Variants in FMN1 observed in about 807,000 individuals in gnomAD.
The protein encoded by FMN1 is formin 1.
A neutral mutation model predicts 132.4 loss-of-function variants in FMN1; 110 were observed. The ratio of observed to expected loss-of-function variants is 0.83; its 90% CI spans 0.71 to 0.97. FMN1 has a LOEUF of 0.97. Among genes scored for constraint, FMN1 ranks in the 50% least tolerant of loss-of-function variants. FMN1 has a pLI of 0.00. For synonymous variants in FMN1, 722 were observed against 651.7 expected (o/e 1.11, Z -1.64); for missense variants, 1,792 against 1,705.3 (o/e 1.05, Z -0.90).
chr15:32,849,032 G>A (rs1293896102), intron 17 of FMN1, among the ~76,000 whole-genome samples: 11 of 125,362 alleles, frequency 8.8e-5, no homozygotes, highest in African/African-American at 3.2e-4. Context: ...CACCCATGCT[G>A]GAGTGCAGTG....
At chr15:33,006,367 G>A (rs1023023365) in intron 7 of FMN1, among the ~76,000 whole-genome samples, 3 of 151,862 alleles carry the variant, frequency 2.0e-5, no homozygotes, top group South Asian at 2.1e-4. Context: ...TGTTAGAATC[G>A]CTATTGCCAA....
intron 6 of FMN1, among the ~76,000 whole-genome samples, chr15:33,010,045 A>G (rs2034625246): frequency 6.6e-6 from 1 of 152,078 alleles, no homozygotes; most frequent in East Asian, 1.9e-4. Flanking sequence ...CACCATGCCC[A>G]GCTAATTTTT....
At chr15:33,164,337 A>C (rs565657795) in intron 3 of FMN1, among the ~76,000 whole-genome samples, 1 of 152,330 alleles carries the variant, frequency 6.6e-6, no homozygotes, top group Admixed American at 6.5e-5. Flanking sequence ...AGCATAAGCT[A>C]TGTCTTATTT....
intron 7 of FMN1, among the ~76,000 whole-genome samples, chr15:33,004,173 C>T (rs1219410701): frequency 6.6e-6 from 1 of 152,098 alleles, no homozygotes; most frequent in Non-Finnish European, 1.5e-5. Flanking sequence ...GCAATGGCAA[C>T]AAAACCAAAA....
At chr15:32,955,996 T>C (rs546175705) in intron 9 of FMN1, among the ~76,000 whole-genome samples, 2 of 152,304 alleles carry the variant, frequency 1.3e-5, no homozygotes, top group Admixed American at 1.3e-4. Flanking sequence ...GTCTTTCTAA[T>C]ATGCAATTGA....
At chr15:32,989,385 T>C (rs1238033393) in intron 7 of FMN1, among the ~76,000 whole-genome samples, 1 of 152,160 alleles carries the variant, frequency 6.6e-6, no homozygotes, top group Admixed American at 6.5e-5. Flanking sequence ...GTTTCATGTA[T>C]GATGAGGAAC....
chr15:33,029,394 G>A lies in FMN1; in HGVS notation c.2162-21319C>T, dbSNP rs72719377. On this transcript the variant is annotated intron_variant, in intron 6 of 20. Coordinates refer to ENST00000616417, the MANE Select transcript of FMN1 (RefSeq NM_001277313.2). ...AATGCTCAGGGTAAAGGGAGAGAGA[G>A]AGAGAACTAGATGTTCTGAGGGAGA... Among the ~76,000 whole-genome samples the A allele has an allele frequency of 2.6e-3, 397 of 152,284 alleles. 1 individual carries two copies. Among genetic ancestry groups the A allele is most frequent in the Non-Finnish European group, 4.5e-3 (303 of 68,024 alleles).
chr15:32,768,396 A>C lies in FMN1; in HGVS notation c.*5914T>G, dbSNP rs2056118137. The stretch of plus-strand genomic sequence containing the variant: ...GTACACGTTTGCCAAGGACATTAAC[A>C]AACAATTGCTAATGTGTGCCTGAAA... On this transcript the variant is annotated 3_prime_UTR_variant, in exon 21 of 21. Transcript: ENST00000616417. The C allele has an allele frequency of 6.6e-6, 1 of 152,190 alleles. No homozygotes were observed. Among genetic ancestry groups the C allele is most frequent in the African/African-American group, 2.4e-5 (1 of 41,414 alleles). The allele number at this position is 152,190 out of a possible 1,614,324, so 9.4% of individuals were successfully genotyped here. A position where few individuals can be genotyped will look rare whatever the true frequency, so the allele number is the denominator to read the frequency against.
intron 12 of FMN1, among the ~76,000 whole-genome samples, chr15:32,903,766 G>T (rs1021516959): frequency 6.6e-6 from 1 of 152,202 alleles, no homozygotes; most frequent in African/African-American, 2.4e-5. Context: ...CAAGACCATA[G>T]TCTTATCAAT....
intron 19 of FMN1, among the ~76,000 whole-genome samples, chr15:32,780,643 GAGATCCA>G (rs113642049): frequency 1.3e-5 from 2 of 152,224 alleles, no homozygotes; most frequent in African/African-American, 4.8e-5. Flanking sequence ...TTTCTTGTGT[GAGATCCA>G]AGAACCCTCT....
At position 32,977,462 on chromosome 15, in the gene FMN1, G is replaced by T. The variant is rs191352148; in HGVS notation, c.2224-7985C>A. 9.2e-4 allele frequency among the ~76,000 whole-genome samples: 140 copies of T among 152,252 alleles called. 1 individual carries two copies. The highest frequency in any genetic ancestry group is 3.4e-3 in the Middle Eastern group (1 of 294). On this transcript the variant is annotated intron_variant, in intron 7 of 20. Transcript: ENST00000616417. ...TAAATAATTGATTTGAAGTTTCTTG[G>T]CTCTCAGGTGGAAAAAGCATTGGGT... is the stretch of plus-strand genomic sequence containing the variant.
chr15:33,078,107 A>C (rs946987805), intron 5 of FMN1, among the ~76,000 whole-genome samples: 4 of 152,232 alleles, frequency 2.6e-5, no homozygotes, highest in African/African-American at 9.6e-5. Flanking sequence ...TTAGCATGAG[A>C]TATTACTAGT....
At chr15:33,086,856 A>G (rs2038715972) in intron 5 of FMN1, among the ~76,000 whole-genome samples, 1 of 152,226 alleles carries the variant, frequency 6.6e-6, no homozygotes, top group Admixed American at 6.5e-5. Context: ...TGGAATGTTG[A>G]ATGCTGTTCT....
At chr15:33,112,199 T>C (rs1048783839) in intron 4 of FMN1, among the ~76,000 whole-genome samples, 16 of 152,170 alleles carry the variant, frequency 1.1e-4, no homozygotes, top group African/African-American at 3.9e-4. Flanking sequence ...ATCTACATGA[T>C]AAAATGTTAC....
intron 7 of FMN1, among the ~76,000 whole-genome samples, chr15:32,992,577 G>A (rs2033500591): frequency 6.6e-6 from 1 of 152,040 alleles, no homozygotes; most frequent in Non-Finnish European, 1.5e-5. Context: ...GGTATCTGTG[G>A]GAGAAATAAA....
intron 16 of FMN1, among the ~76,000 whole-genome samples, chr15:32,873,173 G>A (rs2059556410): frequency 6.6e-6 from 1 of 152,192 alleles, no homozygotes; most frequent in Non-Finnish European, 1.5e-5. Context: ...TGCCTGTTAA[G>A]CAATCGTCTT....
rs1173711525 is a variant in FMN1 at position 32,773,674 on chromosome 15, C to T, written c.*636G>A. Reference sequence around the variant, plus strand: ...CAGGATGAAGTTTATGGCTATTTGTCTCCCTCTCTCCACCCAGGTATGATT... The same window carrying T: ...CAGGATGAAGTTTATGGCTATTTGTTTCCCTCTCTCCACCCAGGTATGATT... On this transcript the variant is annotated 3_prime_UTR_variant, in exon 21 of 21. Coordinates refer to ENST00000616417, the MANE Select transcript of FMN1 (RefSeq NM_001277313.2). 1.3e-5 allele frequency: 2 copies of T among 152,326 alleles called. No individual in the cohort carries two copies. 9.4% of individuals were successfully genotyped at this position (152,326 alleles called of 1,614,324 possible). A position where few individuals can be genotyped will look rare whatever the true frequency, so the allele number is the denominator to read the frequency against.
intron 9 of FMN1, among the ~76,000 whole-genome samples, chr15:32,961,107 T>C (rs1043706912): frequency 6.7e-6 from 1 of 148,980 alleles, no homozygotes; most frequent in Non-Finnish European, 1.5e-5. Context: ...AACATACTGG[T>C]GGGTCAGGTA....
At chr15:33,150,288 T>C (rs1444855789) in intron 4 of FMN1, 2 of 985,178 alleles carry the variant, frequency 2.0e-6, no homozygotes, top group African/African-American at 3.5e-5. Flanking sequence ...TTCCTCAAGG[T>C]TTGGGGGAAG....
Sources: gnomAD v4.1 joint callset for allele counts (sites outside exome capture counted in the v4.1 genomes callset) on GRCh38, gnomAD v4.1.1 for gene constraint, MANE v1.5 for transcripts, NCBI Gene and HGNC (gene_info 2026-07-23, HGNC 2026-07-21) for gene names.